The following LSM14B variants were observed in gnomAD, a reference collection of about 807,000 sequenced individuals.
The protein encoded by LSM14B is protein LSM14 homolog B.
LSM14B carries 8 observed loss-of-function variants against 42.1 expected under a neutral mutation model. That is an observed-to-expected ratio of 0.19 (90% confidence interval 0.11 to 0.34). The LOEUF (loss-of-function observed/expected upper bound fraction) is 0.34. Ranked by LOEUF, LSM14B falls within the 10% of genes least tolerant of loss-of-function variation. The pLI, the probability that LSM14B is intolerant of heterozygous loss-of-function variation, is 1.00. For synonymous variants in LSM14B, 219 were observed against 209.7 expected (o/e 1.04, Z -0.38); for missense variants, 396 against 513.1 (o/e 0.77, Z 2.21).
chr20:62,124,927 C>A, intron 2 of LSM14B, 147 bp downstream of exon 2: 1 of 919,010 alleles, frequency 1.1e-6, no homozygotes, highest in Non-Finnish European at 1.6e-6. Context: ...TGTCACCAGG[C>A]TGGAGGTCAG....
At chr20:62,133,509 G>C in intron 8 of LSM14B, 34 bp downstream of exon 8, 1 of 1,597,640 alleles carries the variant, frequency 6.3e-7, no homozygotes, top group Admixed American at 1.8e-5. Flanking sequence ...GCTTTGGTGG[G>C]AGGGTGTAGG....
In LSM14B at chr20:62,124,601, T is replaced by C; in HGVS notation, c.128-16T>C. On this transcript the variant is annotated splice_polypyrimidine_tract_variant and intron_variant, in intron 1 of 8. Transcript: ENST00000279068. ...GCTGAGGACAACAATAACGCTTCTCTTTCTCCACTCATAAGTGAGGTCCTT... is the reference window on the plus strand; with the variant it reads ...GCTGAGGACAACAATAACGCTTCTCCTTCTCCACTCATAAGTGAGGTCCTT... 2.5e-6 allele frequency: 4 copies of C among 1,611,824 alleles called. No individual in the cohort carries two copies. The highest frequency in any genetic ancestry group is 3.4e-6 in the Non-Finnish European group (4 of 1,178,638).
At chr20:62,132,626 T>C (rs894475870) in intron 7 of LSM14B, among the ~76,000 whole-genome samples, 5 of 152,214 alleles carry the variant, frequency 3.3e-5, no homozygotes, top group South Asian at 2.1e-4. Flanking sequence ...TCTTTTGGCC[T>C]GGGCGGCTGA....
Position 62,124,750 on chromosome 20 carries a change from C to T in LSM14B, c.261C>T (p.His87=). 3 of 1,613,684 alleles carry T rather than the reference C, an allele frequency of 1.9e-6. No homozygotes were observed. Among genetic ancestry groups the T allele is most frequent in the Non-Finnish European group, 2.5e-6 (3 of 1,179,758 alleles). The change falls in exon 2 of 9, where the codon CAC becomes CAT. Residue 87 remains histidine (H), a synonymous_variant. Transcript: ENST00000279068. ...TGTGTGAACCTCCGAAAGCTCAGCA[C>T]ACACTCCCGCAGGATCCCGCCATTG... The part of the protein sequence containing the change: ...ITVCEPPKAQ[H]TLPQDPAIVQ...
Position 62,124,236 on chromosome 20 carries a change from C to G in LSM14B, c.128-381C>G, listed in dbSNP as rs114095104. 3.3e-3 allele frequency among the ~76,000 whole-genome samples: 502 copies of G among 152,386 alleles called. 3 individuals carry two copies. Among genetic ancestry groups the G allele is most frequent in the African/African-American group, 0.011 (478 of 41,588 alleles). On this transcript the variant is annotated intron_variant, in intron 1 of 8. Transcript: ENST00000279068. The stretch of plus-strand genomic sequence containing the variant: ...TCCTCAGGCGCAATGTGCGGTGAGG[C>G]TTTGGGCATAAAGCAGCCGGCTGGC...
At chr20:62,123,492 G>GC (rs1449419485) in intron 1 of LSM14B, 1 of 152,364 alleles carries the variant, frequency 6.6e-6, no homozygotes, top group Non-Finnish European at 1.5e-5. Context: ...CTCGTAACCG[G>GC]CTGTGGCCGC....
chr20:62,134,060 G>T, intron 8 of LSM14B, 103 bp from the exon 9 acceptor site: 1 of 366,900 alleles, frequency 2.7e-6, no homozygotes. Context: ...TAGCCAGTCT[G>T]ACTCTGGGGG....
rs921447403 is a variant in LSM14B, at chr20:62,130,126, G to T, written c.596-93G>T. ...CCTCCTGCGGTGCCGCCCTGGCCGC[G>T]TGCCCCATGGTGGTGGGGCCTGCTT... On this transcript the variant is annotated intron_variant, in intron 4 of 8. Transcript: ENST00000279068. The surrounding 1 kb of genome is among the most constrained non-coding windows in gnomAD (Gnocchi z 4.1). 2 of 1,494,706 alleles carry T rather than the reference G, an allele frequency of 1.3e-6. No individual in the cohort carries two copies. The highest frequency in any genetic ancestry group is 1.8e-6 in the Non-Finnish European group (2 of 1,099,934). 92.6% of individuals were successfully genotyped at this position (1,494,706 alleles called of 1,614,324 possible).
In LSM14B at chr20:62,124,761, A is replaced by G; in HGVS notation, c.272A>G (p.Gln91Arg). The change falls in exon 2 of 9, where the codon CAG becomes CGG. Residue 91 changes from glutamine (Q) to arginine (R), a missense_variant. Gln to Arg is a conservative substitution (Grantham distance 43). This residue lies in a region of LSM14B where 274 missense variants were observed against 335.8 expected (regional missense o/e 0.82). Coordinates refer to ENST00000279068, the MANE Select transcript of LSM14B (RefSeq NM_144703.3). ...CCGAAAGCTCAGCACACACTCCCGC[A>G]GGATCCCGCCATTGTTCAGGTAAGT... is the stretch of plus-strand genomic sequence containing the variant. ...EPPKAQHTLP[Q>R]DPAIVQSSLG... 6.2e-7 allele frequency: 1 copy of G among 1,613,188 alleles called. No homozygotes were observed. Among genetic ancestry groups the G allele is most frequent in the Non-Finnish European group, 8.5e-7 (1 of 1,179,552 alleles).
At chr20:62,123,426 C>G (rs1018397781) in intron 1 of LSM14B, 1 of 152,320 alleles carries the variant, frequency 6.6e-6, no homozygotes, top group Non-Finnish European at 1.5e-5. Flanking sequence ...TTCTCCTGCT[C>G]TATCCTGACC....
At chr20:62,127,569 C>G in intron 3 of LSM14B, 1 of 1,530,122 alleles carries the variant, frequency 6.5e-7, no homozygotes, top group South Asian at 1.2e-5. Flanking sequence ...GCTCTTTCTC[C>G]TTTATCTTCC....
intron 1 of LSM14B, chr20:62,123,288 A>G (rs1490844443): frequency 6.6e-6 from 1 of 152,504 alleles, no homozygotes; most frequent in Non-Finnish European, 1.5e-5. Flanking sequence ...CAACACGCGA[A>G]TCCTGCAAGC....
Position 62,130,020 on chromosome 20 carries a change from ATT to A in LSM14B, c.595+80_595+81del, listed in dbSNP as rs372815573. ...AAAGTGGCACACTACTTCCTGGGCT[ATT>A]TTTTTTTTTTTAATTAAAAAAATAC... On this transcript the variant is annotated intron_variant, in intron 4 of 8. Coordinates refer to ENST00000279068, the MANE Select transcript of LSM14B (RefSeq NM_144703.3). The surrounding 1 kb of genome is among the most constrained non-coding windows in gnomAD (Gnocchi z 4.1). 2,155 of 1,209,238 alleles carry A rather than the reference ATT, an allele frequency of 1.8e-3. No homozygotes were observed. Among genetic ancestry groups the A allele is most frequent in the African/African-American group, 3.0e-3 (192 of 63,860 alleles). The allele number at this position is 1,209,238 out of a possible 1,614,324, so 74.9% of individuals were successfully genotyped here.
intron 8 of LSM14B, 82 bp from the exon 9 acceptor site, chr20:62,134,081 G>A (rs1274619672): frequency 2.1e-5 from 8 of 377,184 alleles, no homozygotes; most frequent in South Asian, 1.6e-4. Flanking sequence ...CAGGAGGGAG[G>A]CTGAGTGGCT....
At position 62,133,413 on chromosome 20, in the gene LSM14B, C is replaced by T; in HGVS notation, c.1110C>T (p.Thr370=). 2.5e-6 allele frequency: 4 copies of T among 1,613,222 alleles called. No individual in the cohort carries two copies. The highest frequency in any genetic ancestry group is 3.4e-6 in the Non-Finnish European group (4 of 1,179,624). ...GGFRGGRGNG[T]TRRNPTSHRA... is the part of the protein sequence containing the mutation. ...TCCGAGGAGGCAGGGGCAATGGGACCACCCGTCGCAACCCCACTTCCCACA... is the reference window on the plus strand; with the variant it reads ...TCCGAGGAGGCAGGGGCAATGGGACTACCCGTCGCAACCCCACTTCCCACA... The change falls in exon 8 of 9, where the codon ACC becomes ACT. Residue 370 remains threonine, a synonymous_variant. Transcript: ENST00000279068.
intron 3 of LSM14B, among the ~76,000 whole-genome samples, chr20:62,126,770 G>A (rs2056620298): frequency 6.6e-6 from 1 of 152,140 alleles, no homozygotes; most frequent in Non-Finnish European, 1.5e-5. Flanking sequence ...AGGCCAAGGC[G>A]GGTGGATCAC....
intron 7 of LSM14B, 96 bp from the exon 8 acceptor site, chr20:62,133,194 T>G (rs1305557895): frequency 6.8e-7 from 1 of 1,466,810 alleles, no homozygotes; most frequent in Admixed American, 2.1e-5. Context: ...CCCTGGTGAG[T>G]CTGTCCCTCC....
chr20:62,131,491 C>T lies in LSM14B; in HGVS notation c.971C>T (p.Ser324Phe). The T allele has an allele frequency of 6.2e-7, 1 of 1,613,536 alleles. No individual in the cohort carries two copies. The highest frequency in any genetic ancestry group is 8.5e-7 in the Non-Finnish European group (1 of 1,179,882). Residue 324 changes from serine to phenylalanine, a missense_variant, in exon 7 of 9, where the codon TCT (serine) becomes TTT (phenylalanine). By Grantham distance (155) the Ser-to-Phe change is radical (BLOSUM62 -2). This residue lies in a region of LSM14B where 118 missense variants were observed against 156.4 expected (regional missense o/e 0.75). Transcript: ENST00000279068. ...KSKSFFDNISSELKTSSRRTT... is the reference protein window; with the variant it reads ...KSKSFFDNISFELKTSSRRTT... Reference sequence around the variant, plus strand: ...AAGTCGTTCTTCGACAACATCTCTTCTGAACTCAAGACCAGGTGAGAGGCT... The same window carrying T: ...AAGTCGTTCTTCGACAACATCTCTTTTGAACTCAAGACCAGGTGAGAGGCT...
At position 62,130,516 on chromosome 20, in the gene LSM14B, CTT is replaced by C; in HGVS notation, c.674-12_674-11del. ...GTGACCTACTTCAGCCAGGGCTGTC[CTT>C]TGTCCTCACAGGAAACAGGCGAACA... On this transcript the variant is annotated splice_polypyrimidine_tract_variant and intron_variant, in intron 5 of 8. Transcript: ENST00000279068. This position sits in a 1 kb window ranked among gnomAD's most constrained non-coding sequence, Gnocchi z 4.1. The C allele has an allele frequency of 6.2e-7, 1 of 1,612,936 alleles. No homozygotes were observed.
Sources: allele counts gnomAD v4.1 joint callset (sites outside exome capture counted in the v4.1 genomes callset), GRCh38; gene constraint gnomAD v4.1.1; regional missense constraint gnomAD v4.1.1; non-coding constraint Gnocchi (gnomAD v3.1); transcripts MANE v1.5; gene names NCBI Gene and HGNC (gene_info 2026-07-23, HGNC 2026-07-21).